EXD3: variants seen among roughly 807,000 people sequenced by gnomAD.
The protein encoded by EXD3 is exonuclease mut-7 homolog.
A neutral mutation model predicts 98.0 loss-of-function variants in EXD3; 92 were observed. The ratio of observed to expected loss-of-function variants is 0.94; its 90% CI spans 0.79 to 1.12. The LOEUF (loss-of-function observed/expected upper bound fraction) is 1.12, where lower values mean the gene tolerates loss of function less well. EXD3 is among the 50% of genes most tolerant of loss of function. The pLI is 0.00. For missense variants in EXD3, 1,222 were observed against 1,191.6 expected, an observed-to-expected ratio of 1.03 and a Z score of -0.38; for synonymous variants, 569 against 526.0, an observed-to-expected ratio of 1.08 and a Z score of -1.12.
intron 17 of EXD3, among the ~76,000 whole-genome samples, chr9:137,328,608 GGGGCTACACGGGACTA>G (rs1832651215): frequency 1.1e-5 from 1 of 89,366 alleles, no homozygotes; most frequent in African/African-American, 7.0e-5. Context: ...GGGACTACAC[GGGGCTACACGGGACTA>G]CACGGGACTA....
chr9:137,348,236 G>C lies in EXD3; in HGVS notation c.1833C>G (p.Val611=). 6.2e-7 allele frequency: 1 copy of C among 1,610,612 alleles called. No homozygotes were observed. Among genetic ancestry groups the C allele is most frequent in the Non-Finnish European group, 8.5e-7 (1 of 1,179,208 alleles). The change falls in exon 17 of 22, where the codon GTC becomes GTG. Residue 611 remains valine, a splice_region_variant and synonymous_variant. Coordinates refer to ENST00000340951, the MANE Select transcript of EXD3 (RefSeq NM_017820.5). The part of the protein sequence containing the change: ...KASAPAAPRQ[V]PVAVAVSEGA... ...CCTCAGACACAGCCACAGCCACAGG[G>C]ACCTGCAGTGAGGCCCTGGTCAGCA...
rs916380761 is a variant in EXD3 at position 137,366,284 on chromosome 9, G to A, written c.656+209C>T. ...AAGAGCAGTTAACTCTTTTCACTCG[G>A]GAGAAGAGGGCTGTGCTCCTGCCAG... On this transcript the variant is annotated intron_variant, in intron 7 of 21. Coordinates refer to ENST00000340951, the MANE Select transcript of EXD3 (RefSeq NM_017820.5). 34 of 733,914 alleles carry A rather than the reference G, an allele frequency of 4.6e-5. No homozygotes were observed. In the African/African-American group the frequency reaches 5.4e-4, roughly 12 times the overall value. 45.5% of individuals were successfully genotyped at this position (733,914 alleles called of 1,614,324 possible). A position where few individuals can be genotyped will look rare whatever the true frequency, so the allele number is the denominator to read the frequency against.
At chr9:137,311,882 G>A (rs1191942175) in intron 19 of EXD3, among the ~76,000 whole-genome samples, 2 of 152,136 alleles carry the variant, frequency 1.3e-5, no homozygotes, top group South Asian at 2.1e-4. Flanking sequence ...AGTGGTGCTG[G>A]TGGCCCAGCG....
intron 3 of EXD3, among the ~76,000 whole-genome samples, chr9:137,380,405 C>G (rs1836182172): frequency 1.3e-5 from 1 of 77,490 alleles, no homozygotes; most frequent in Admixed American, 1.3e-4. Context: ...TCCTCCCCAA[C>G]CCCCCTCCAG....
chr9:137,353,653 G>A, intron 10 of EXD3: 1 of 985,852 alleles, frequency 1.0e-6, no homozygotes, highest in Admixed American at 6.1e-5. Context: ...CAGGCCTGCG[G>A]GACCCTCAGC....
chr9:137,335,482 C>G (rs1044180574), intron 17 of EXD3, among the ~76,000 whole-genome samples: 1 of 152,068 alleles, frequency 6.6e-6, no homozygotes, highest in Non-Finnish European at 1.5e-5. Context: ...AGTTCGAGAC[C>G]AGCCTGCCCA....
Position 137,323,829 on chromosome 9 carries a change from A to G in EXD3, c.2080T>C (p.Cys694Arg), listed in dbSNP as rs1246697011. The G allele has an allele frequency of 1.2e-6, 2 of 1,611,796 alleles. No individual in the cohort carries two copies. Among genetic ancestry groups the G allele is most frequent in the African/African-American group, 2.7e-5 (2 of 74,908 alleles). The part of the protein sequence containing the change: ...KLRAQVGAGR[C>R]LSVDCSLKAQ... The stretch of plus-strand genomic sequence containing the variant: ...TTCAGGGAGCAGTCGACCGAGAGGC[A>G]GCGCCCAGCCCCGACCTGGGCCCGG... The change falls in exon 19 of 22, where the codon TGC becomes CGC. Residue 694 changes from cysteine to arginine, a missense_variant. Cys to Arg is a radical substitution (Grantham distance 180). Coordinates refer to ENST00000340951, the MANE Select transcript of EXD3 (RefSeq NM_017820.5).
At chr9:137,317,327 C>T (rs991313899) in intron 19 of EXD3, among the ~76,000 whole-genome samples, 4 of 152,300 alleles carry the variant, frequency 2.6e-5, no homozygotes, top group Admixed American at 2.0e-4. Context: ...CATGGCCGGT[C>T]CCTCCTGCGT....
intron 19 of EXD3, among the ~76,000 whole-genome samples, chr9:137,317,855 C>G (rs1831774460): frequency 6.6e-6 from 1 of 152,208 alleles, no homozygotes; most frequent in Non-Finnish European, 1.5e-5. Context: ...CTCCAGAGCT[C>G]TGGGGCTGGG....
chr9:137,360,701 T>C lies in EXD3; in HGVS notation c.657-4333A>G, dbSNP rs903779005. On this transcript the variant is annotated intron_variant, in intron 7 of 21. Transcript: ENST00000340951. ...GTCTGGAACTCCTGACCTCAAGTGA[T>C]CCGCCTGCCTCAACCTCCCAAAGTG... 2.4e-5 allele frequency among the ~76,000 whole-genome samples: 2 copies of C among 84,916 alleles called. 1 individual carries two copies. The highest frequency in any genetic ancestry group is 6.5e-5 in the African/African-American group (2 of 30,684). The allele number at this position is 84,916 out of a possible 152,430, so 55.7% of individuals were successfully genotyped here. A position where few individuals can be genotyped will look rare whatever the true frequency, so the allele number is the denominator to read the frequency against.
At position 137,355,488 on chromosome 9, in the gene EXD3, AG is replaced by A. The variant is rs1564508250; in HGVS notation, c.758-716del. Among the ~76,000 whole-genome samples the A allele has an allele frequency of 2.3e-3, 244 of 106,368 alleles. 6 individuals are homozygous for A. The highest frequency in any genetic ancestry group is 3.5e-3 in the African/African-American group (84 of 24,306). 69.8% of individuals were successfully genotyped at this position (106,368 alleles called of 152,430 possible). A position where few individuals can be genotyped will look rare whatever the true frequency, so the allele number is the denominator to read the frequency against. The stretch of plus-strand genomic sequence containing the variant: ...AAGGAGGAAGGAGGAAGGAGGAAGG[AG>A]GATGGAGGAAGGAGGAAGGAGGAAG... On this transcript the variant is annotated intron_variant, in intron 8 of 21. Transcript: ENST00000340951.
chr9:137,344,994 G>A (rs1833845885), intron 17 of EXD3, among the ~76,000 whole-genome samples: 1 of 151,320 alleles, frequency 6.6e-6, no homozygotes, highest in Non-Finnish European at 1.5e-5. Context: ...CAGGTCTTCT[G>A]CTCACATTTC....
chr9:137,309,316 G>C (rs1366878852), intron 20 of EXD3, among the ~76,000 whole-genome samples: 2 of 152,172 alleles, frequency 1.3e-5, no homozygotes, highest in East Asian at 3.8e-4. Flanking sequence ...GGGCCCAGCA[G>C]AGAGAAGGAG....
In EXD3 at chr9:137,348,062, C is replaced by T; in HGVS notation, c.1998+9G>A. 2 of 1,608,394 alleles carry T rather than the reference C, an allele frequency of 1.2e-6. No individual in the cohort carries two copies. The highest frequency in any genetic ancestry group is 2.2e-5 in the East Asian group (1 of 44,822). On this transcript the variant is annotated intron_variant, in intron 17 of 21. Coordinates refer to ENST00000340951, the MANE Select transcript of EXD3 (RefSeq NM_017820.5). ...TGGGAGGACCCCAAGACCCTCCCCG[C>T]AAACTCACCTCGGCCGCCCTGCGGT...
intron 2 of EXD3, among the ~76,000 whole-genome samples, chr9:137,389,097 C>CG (rs1372552502): frequency 6.6e-6 from 1 of 152,194 alleles, no homozygotes; most frequent in Non-Finnish European, 1.5e-5. Flanking sequence ...TTCTGGCGTC[C>CG]GGGGGCAGCT....
At chr9:137,412,669 G>A (rs1264765056) in intron 1 of EXD3, among the ~76,000 whole-genome samples, 8 of 152,290 alleles carry the variant, frequency 5.3e-5, no homozygotes, top group East Asian at 1.9e-4. Flanking sequence ...ACGCACAGCC[G>A]GGGCCCCTCG....
At chr9:137,398,475 C>G (rs993332330) in intron 1 of EXD3, among the ~76,000 whole-genome samples, 1 of 152,188 alleles carries the variant, frequency 6.6e-6, no homozygotes, top group South Asian at 2.1e-4. Context: ...ACTGAGTAGC[C>G]CTTTGCTTGT....
intron 19 of EXD3, among the ~76,000 whole-genome samples, chr9:137,314,678 C>A (rs1403900965): frequency 1.3e-5 from 2 of 152,130 alleles, no homozygotes; most frequent in Non-Finnish European, 2.9e-5. Flanking sequence ...CCAGCCGCTG[C>A]CCCGTCCCCT....
intron 17 of EXD3, among the ~76,000 whole-genome samples, chr9:137,338,360 T>A (rs947552188): frequency 2.0e-5 from 3 of 152,096 alleles, no homozygotes; most frequent in African/African-American, 7.2e-5. Context: ...ACACTGTATA[T>A]CAAAACTGAT....
Sources: gnomAD v4.1 joint callset for allele counts (sites outside exome capture counted in the v4.1 genomes callset) on GRCh38, gnomAD v4.1.1 for gene constraint, MANE v1.5 for transcripts, NCBI Gene and HGNC (gene_info 2026-07-23, HGNC 2026-07-21) for gene names.